The following BANK1 variants were observed in gnomAD, a reference collection of about 807,000 sequenced individuals.
BANK1 encodes B cell scaffold protein with ankyrin repeats 1, also known as B-cell scaffold protein with ankyrin repeats.
BANK1 carries 95 observed loss-of-function variants against 94.5 expected under a neutral mutation model. The ratio of observed to expected loss-of-function variants is 1.00; its 90% confidence interval spans 0.85 to 1.19. The LOEUF (loss-of-function observed/expected upper bound fraction) is 1.19. Among genes scored for constraint, BANK1 ranks in the 50% most tolerant of loss-of-function variants. BANK1 has a pLI of 0.00. For missense variants in BANK1, 987 were observed against 932.2 expected (o/e 1.06, Z -0.77); for synonymous variants, 334 against 308.4 (o/e 1.08, Z -0.87).
At chr4:101,969,665 G>T (rs1004927774) in intron 7 of BANK1, among the ~76,000 whole-genome samples, 5 of 151,984 alleles carry the variant, frequency 3.3e-5, no homozygotes, top group Non-Finnish European at 7.4e-5. Context: ...CTGTCCAAAT[G>T]TATTTGGGAT....
intron 2 of BANK1, among the ~76,000 whole-genome samples, chr4:101,837,192 A>ATTTG (rs1182555452): frequency 1.7e-4 from 26 of 152,224 alleles, no homozygotes; most frequent in African/African-American, 6.3e-4. Context: ...TTAGACAATA[A>ATTTG]TCAATTCTAT....
intron 6 of BANK1, among the ~76,000 whole-genome samples, chr4:101,910,761 AAT>A (rs1160411664): frequency 2.0e-5 from 3 of 152,054 alleles, no homozygotes; most frequent in South Asian, 2.1e-4. Context: ...TTCATCTAAA[AAT>A]ATGTTTTCCC....
At chr4:101,803,857 G>A in intron 1 of BANK1, among the ~76,000 whole-genome samples, 1 of 149,962 alleles carries the variant, frequency 6.7e-6, no homozygotes, top group Admixed American at 6.6e-5. Flanking sequence ...AATTAGCCGG[G>A]CGTAGTGGCG....
At chr4:102,071,254 A>T in intron 13 of BANK1, 21 bp from the exon 14 acceptor site, 4 of 1,612,848 alleles carry the variant, frequency 2.5e-6, no homozygotes, top group Non-Finnish European at 8.5e-7. Context: ...TCAGTAGAAC[A>T]TGCTTTTTTT....
chr4:102,065,593 A>G (rs944128971), intron 13 of BANK1, among the ~76,000 whole-genome samples: 3 of 152,098 alleles, frequency 2.0e-5, no homozygotes, highest in Admixed American at 2.0e-4. Flanking sequence ...CTATAGACGG[A>G]ACCTGAGATG....
intron 7 of BANK1, among the ~76,000 whole-genome samples, chr4:101,993,031 C>T (rs1179377460): frequency 6.6e-6 from 1 of 152,030 alleles, no homozygotes; most frequent in African/African-American, 2.4e-5. Context: ...GTTGTTGATC[C>T]CCTGGACAGC....
chr4:101,823,132 A>G (rs75444552), intron 1 of BANK1, among the ~76,000 whole-genome samples: 9,441 of 152,180 alleles, frequency 0.062, 721 homozygotes, highest in African/African-American at 0.17. Flanking sequence ...CCTAAAACCC[A>G]TTTCTAACAC....
Position 102,051,312 on chromosome 4 carries a change from T to C in BANK1, c.1969+7405T>C, listed in dbSNP as rs1708016413. ...ATGGCCTCAGTTCCCTTTTCCAGTATACTTACATTTCCATTTGTCATATTG... is the reference window on the plus strand; with the variant it reads ...ATGGCCTCAGTTCCCTTTTCCAGTACACTTACATTTCCATTTGTCATATTG... On this transcript the variant is annotated intron_variant, in intron 11 of 16. Coordinates refer to ENST00000322953, the MANE Select transcript of BANK1 (RefSeq NM_017935.5). Among the ~76,000 whole-genome samples the C allele has an allele frequency of 2.0e-5, 3 of 152,222 alleles. 1 individual carries two copies. The highest frequency in any genetic ancestry group is 7.2e-5 in the African/African-American group (3 of 41,478).
chr4:101,838,378 G>A (rs376035804), intron 2 of BANK1, among the ~76,000 whole-genome samples: 3 of 152,112 alleles, frequency 2.0e-5, no homozygotes, highest in African/African-American at 7.2e-5. Flanking sequence ...GGATCATTGT[G>A]TTATTAACAA....
chr4:102,044,602 G>A (rs1350540336), intron 11 of BANK1, among the ~76,000 whole-genome samples: 8 of 121,760 alleles, frequency 6.6e-5, no homozygotes, highest in African/African-American at 1.3e-4. Flanking sequence ...CTGAGGAATC[G>A]CCACACTGAC....
At chr4:101,811,431 A>C (rs915777356) in intron 1 of BANK1, among the ~76,000 whole-genome samples, 2 of 152,154 alleles carry the variant, frequency 1.3e-5, no homozygotes, top group South Asian at 2.1e-4. Context: ...CTCTTATAAA[A>C]ATAATGTTTA....
chr4:102,053,052 A>G (rs977784231), intron 11 of BANK1, among the ~76,000 whole-genome samples: 6 of 152,256 alleles, frequency 3.9e-5, no homozygotes, highest in Non-Finnish European at 7.3e-5. Context: ...AAAGGGACTC[A>G]CACTAGGTGA....
intron 9 of BANK1, 45 bp from the exon 10 acceptor site, chr4:102,029,915 G>T: frequency 6.5e-7 from 1 of 1,527,818 alleles, no homozygotes; most frequent in Non-Finnish European, 8.8e-7. Context: ...CAATAATGTT[G>T]CATGTAACAG....
intron 7 of BANK1, among the ~76,000 whole-genome samples, chr4:101,923,974 T>A (rs1196704217): frequency 6.6e-6 from 1 of 151,834 alleles, no homozygotes; most frequent in Non-Finnish European, 1.5e-5. Flanking sequence ...GGTAAGTACA[T>A]AAAAACCTAG....
At chr4:101,966,854 T>G (rs1023188601) in intron 7 of BANK1, among the ~76,000 whole-genome samples, 1 of 152,046 alleles carries the variant, frequency 6.6e-6, no homozygotes, top group Non-Finnish European at 1.5e-5. Flanking sequence ...TTTCAGTACA[T>G]CTGACTCCCA....
At chr4:101,987,015 A>G (rs892386769) in intron 7 of BANK1, among the ~76,000 whole-genome samples, 10 of 148,594 alleles carry the variant, frequency 6.7e-5, no homozygotes, top group Admixed American at 6.1e-4. Context: ...AAAGGAAAGA[A>G]AAGCTATGTC....
chr4:101,814,446 A>C (rs1725832231), intron 1 of BANK1, among the ~76,000 whole-genome samples: 1 of 152,232 alleles, frequency 6.6e-6, no homozygotes, highest in Non-Finnish European at 1.5e-5. Flanking sequence ...AAACAAGGGA[A>C]ATGCCAACAG....
chr4:101,908,758 A>T (rs937131401), intron 6 of BANK1, among the ~76,000 whole-genome samples: 1 of 152,254 alleles, frequency 6.6e-6, no homozygotes, highest in African/African-American at 2.4e-5. Flanking sequence ...ATATGAACAG[A>T]TACTTCTCAA....
At chr4:101,937,829 T>G (rs1425507139) in intron 7 of BANK1, among the ~76,000 whole-genome samples, 1 of 151,742 alleles carries the variant, frequency 6.6e-6, no homozygotes, top group Non-Finnish European at 1.5e-5. Context: ...GCAAAGACTT[T>G]GAACCAACCC....
Sources: gnomAD v4.1 joint callset for allele counts (sites outside exome capture counted in the v4.1 genomes callset) on GRCh38, gnomAD v4.1.1 for gene constraint, MANE v1.5 for transcripts, NCBI Gene and HGNC (gene_info 2026-07-23, HGNC 2026-07-21) for gene names.